The following DCC variants were observed in gnomAD, a reference collection of about 807,000 sequenced individuals.
DCC encodes netrin receptor DCC.
DCC carries 58 observed loss-of-function variants against 172.5 expected under a neutral mutation model. The observed-to-expected ratio is 0.34, with a 90% CI of 0.27 to 0.42. The LOEUF is 0.42. Ranked by LOEUF, DCC falls within the 10% of genes least tolerant of loss-of-function variation. The probability of loss-of-function intolerance (pLI) is 1.00; values close to 1 mark genes in which losing one functional copy is unlikely to be tolerated. For synonymous variants in DCC, 709 were observed against 644.5 expected (o/e 1.10, Z -1.52); for missense variants, 1,740 against 1,791.0 (o/e 0.97, Z 0.51).
intron 5 of DCC, among the ~76,000 whole-genome samples, chr18:52,929,024 C>A (rs2040261841): frequency 6.6e-6 from 1 of 152,040 alleles, no homozygotes; most frequent in African/African-American, 2.4e-5. Context: ...AGTTATCTGT[C>A]ATGTATCCTG....
At chr18:53,492,391 C>T (rs941823844) in intron 26 of DCC, among the ~76,000 whole-genome samples, 1 of 152,050 alleles carries the variant, frequency 6.6e-6, no homozygotes, top group Non-Finnish European at 1.5e-5. Context: ...GTGCTTATGT[C>T]CTGAATGGTA....
At chr18:52,927,047 A>ATATATATACACATATATACG (rs2040218470) in intron 5 of DCC, among the ~76,000 whole-genome samples, 2 of 128,542 alleles carry the variant, frequency 1.6e-5, no homozygotes, top group African/African-American at 5.9e-5. Context: ...ATGCCAATAC[A>ATATATATACACATATATACG]TATATATACA....
At chr18:53,003,525 A>G (rs1445516243) in intron 5 of DCC, among the ~76,000 whole-genome samples, 1 of 152,124 alleles carries the variant, frequency 6.6e-6, no homozygotes, top group Non-Finnish European at 1.5e-5. Context: ...TTTAGATGTT[A>G]TTAATCATGA....
At chr18:53,163,160 C>G (rs1321469154) in intron 8 of DCC, among the ~76,000 whole-genome samples, 1 of 152,170 alleles carries the variant, frequency 6.6e-6, no homozygotes, top group Non-Finnish European at 1.5e-5. Flanking sequence ...AGTTCTTATT[C>G]ATAATTTCAT....
At chr18:52,469,410 T>C (rs1231134423) in intron 1 of DCC, among the ~76,000 whole-genome samples, 1 of 152,202 alleles carries the variant, frequency 6.6e-6, no homozygotes, top group African/African-American at 2.4e-5. Context: ...ATGGTGTTGC[T>C]ATTAGCCAAC....
chr18:53,123,731 G>T (rs1323847056), intron 7 of DCC, among the ~76,000 whole-genome samples: 2 of 151,678 alleles, frequency 1.3e-5, no homozygotes, highest in African/African-American at 2.4e-5. Flanking sequence ...CACCTTTTCT[G>T]CTTTTGAAAA....
At chr18:52,582,501 A>G (rs879663902) in intron 1 of DCC, among the ~76,000 whole-genome samples, 5 of 152,236 alleles carry the variant, frequency 3.3e-5, no homozygotes, top group African/African-American at 7.2e-5. Flanking sequence ...TAGCAAACCA[A>G]TAAGCAAATG....
At chr18:53,340,178 T>C (rs1449110266) in intron 15 of DCC, among the ~76,000 whole-genome samples, 1 of 152,096 alleles carries the variant, frequency 6.6e-6, no homozygotes, top group Non-Finnish European at 1.5e-5. Context: ...TGTGTGCCCT[T>C]GCTTATGGGT....
intron 18 of DCC, among the ~76,000 whole-genome samples, chr18:53,400,501 A>G (rs192498690): frequency 2.4e-3 from 373 of 152,266 alleles, no homozygotes; most frequent in African/African-American, 8.7e-3. Context: ...ATTTCTAGAA[A>G]TCATTCCAGG....
chr18:52,558,702 A>T (rs374162838), intron 1 of DCC, among the ~76,000 whole-genome samples: 18 of 152,314 alleles, frequency 1.2e-4, no homozygotes, highest in African/African-American at 3.8e-4. Context: ...GGGTCTCCTC[A>T]GTCCTGGATT....
intron 1 of DCC, among the ~76,000 whole-genome samples, chr18:52,641,636 AG>A (rs1200530309): frequency 1.3e-5 from 2 of 152,140 alleles, no homozygotes; most frequent in East Asian, 3.9e-4. Context: ...ACTAATGATC[AG>A]GGAAATGCAA....
At chr18:53,352,243 G>A (rs529805638) in intron 15 of DCC, among the ~76,000 whole-genome samples, 311 of 152,200 alleles carry the variant, frequency 2.0e-3, no homozygotes, top group Middle Eastern at 6.8e-3. Context: ...CAGTACAAGT[G>A]CCAGAGTTTA....
intron 1 of DCC, among the ~76,000 whole-genome samples, chr18:52,603,282 C>G (rs2034055652): frequency 1.3e-5 from 2 of 152,146 alleles, no homozygotes; most frequent in East Asian, 1.9e-4. Context: ...AGTCCCAAAT[C>G]TAGCTGATGA....
chr18:52,929,841 C>T (rs919127317), intron 5 of DCC, among the ~76,000 whole-genome samples: 18 of 151,448 alleles, frequency 1.2e-4, no homozygotes, highest in African/African-American at 3.9e-4. Context: ...CACACACACA[C>T]ACACACACAC....
At chr18:52,892,470 GA>G (rs778014357) in intron 2 of DCC, 1 of 152,092 alleles carries the variant, frequency 6.6e-6, no homozygotes, top group South Asian at 2.1e-4. Flanking sequence ...AGATTTTTAT[GA>G]AGGATGATTT....
intron 7 of DCC, among the ~76,000 whole-genome samples, chr18:53,147,401 C>A (rs2144366689): frequency 6.6e-6 from 1 of 152,264 alleles, no homozygotes; most frequent in Non-Finnish European, 1.5e-5. Flanking sequence ...ACATATTATG[C>A]CCCCTTTTGT....
At chr18:52,750,215 A>G (rs1160032279) in intron 1 of DCC, among the ~76,000 whole-genome samples, 1 of 152,194 alleles carries the variant, frequency 6.6e-6, no homozygotes, top group East Asian at 1.9e-4. Flanking sequence ...ATTTTTGCAG[A>G]TGAAGGAACT....
In DCC at chr18:53,122,604, C is replaced by T. The variant is rs57527087; in HGVS notation, c.1262-34752C>T. Among the ~76,000 whole-genome samples, 240 of 152,018 alleles carry T rather than the reference C, an allele frequency of 1.6e-3. 2 individuals are homozygous for T. The highest frequency in any genetic ancestry group is 5.7e-3 in the African/African-American group (236 of 41,506). ...AAAACATGTAGTAAACTTGATTGAC[C>T]ATATTAGCTTTGCTCCACCATTAGG... On this transcript the variant is annotated intron_variant, in intron 7 of 28. Coordinates refer to ENST00000442544, the MANE Select transcript of DCC (RefSeq NM_005215.4).
chr18:52,709,022 C>G (rs1433385432), intron 1 of DCC, among the ~76,000 whole-genome samples: 1 of 152,098 alleles, frequency 6.6e-6, no homozygotes, highest in Non-Finnish European at 1.5e-5. Flanking sequence ...CAGTTTATTT[C>G]TGGCAATCTT....
Sources: gnomAD v4.1 joint callset for allele counts (sites outside exome capture counted in the v4.1 genomes callset) on GRCh38, gnomAD v4.1.1 for gene constraint, MANE v1.5 for transcripts, NCBI Gene and HGNC (gene_info 2026-07-23, HGNC 2026-07-21) for gene names.